The following RNF150 variants were observed in gnomAD, a reference collection of about 807,000 sequenced individuals.
The protein encoded by RNF150 is ring finger protein 150.
In RNF150, 24 loss-of-function variants were observed where a neutral mutation model predicts 39.3. The ratio of observed to expected loss-of-function variants is 0.61; its 90% CI spans 0.44 to 0.86. The LOEUF (loss-of-function observed/expected upper bound fraction) is 0.86, where lower values mean the gene tolerates loss of function less well. Ranked by LOEUF, RNF150 falls within the 40% of genes least tolerant of loss-of-function variation. The pLI is 0.00. For synonymous variants in RNF150, 255 were observed against 227.3 expected (o/e 1.12, Z -1.10); for missense variants, 502 against 587.8 (o/e 0.85, Z 1.51).
chr4:141,201,709 T>C (rs1728295382), intron 1 of RNF150, among the ~76,000 whole-genome samples: 1 of 152,120 alleles, frequency 6.6e-6, no homozygotes, highest in Non-Finnish European at 1.5e-5. Context: ...TCTTTTTCTT[T>C]CTTTCTCATC....
chr4:141,142,837 G>A (rs1727143018), intron 1 of RNF150, among the ~76,000 whole-genome samples: 1 of 151,400 alleles, frequency 6.6e-6, no homozygotes, highest in Admixed American at 6.6e-5. Flanking sequence ...TATTATGTAG[G>A]TGATCTACCC....
intron 1 of RNF150, among the ~76,000 whole-genome samples, chr4:141,170,820 C>G (rs1727703919): frequency 6.6e-6 from 1 of 152,112 alleles, no homozygotes; most frequent in South Asian, 2.1e-4. Flanking sequence ...TTCACTCTTG[C>G]AAGAATGTGA....
chr4:140,955,909 A>G (rs6852883), intron 2 of RNF150, among the ~76,000 whole-genome samples: 90,851 of 152,108 alleles, frequency 0.6, 27,910 homozygotes, highest in Non-Finnish European at 0.67. Flanking sequence ...CACATGGGCC[A>G]TGTACATGTA....
rs1165411567 is a variant in RNF150, at chr4:140,961,878, G to A, written c.735+5745C>T. ...ATACCTCACAGTATGCATGTGTCTA[G>A]ATAAACATGCAAGCTAGATCTACCT... On this transcript the variant is annotated intron_variant, in intron 2 of 6. Transcript: ENST00000515673. 2.0e-5 allele frequency among the ~76,000 whole-genome samples: 3 copies of A among 152,008 alleles called. No homozygotes were observed. In the East Asian group the frequency reaches 5.8e-4, roughly 29 times the overall value.
In RNF150 at chr4:141,079,267, AC is replaced by A. The variant is rs1207083664; in HGVS notation, c.484+53057del. Among the ~76,000 whole-genome samples, 8 of 152,040 alleles carry A rather than the reference AC, an allele frequency of 5.3e-5. No individual in the cohort carries two copies. The East Asian group carries it at 9.6e-4, about 18-fold the overall frequency. ...AACCCCAGTTACCTGCATTTGACAA[AC>A]CCTATCAGATTTTAAATGATCAAAT... is the stretch of plus-strand genomic sequence containing the variant. On this transcript the variant is annotated intron_variant, in intron 1 of 6. Coordinates refer to ENST00000515673, the MANE Select transcript of RNF150 (RefSeq NM_020724.2).
chr4:141,063,657 G>C (rs936179712), intron 1 of RNF150, among the ~76,000 whole-genome samples: 3 of 152,164 alleles, frequency 2.0e-5, no homozygotes, highest in African/African-American at 7.2e-5. Context: ...AGCTTTTCAA[G>C]AAGGACCAGA....
chr4:140,932,137 C>G (rs999401608), intron 4 of RNF150, among the ~76,000 whole-genome samples: 6 of 152,196 alleles, frequency 3.9e-5, no homozygotes, highest in African/African-American at 1.4e-4. Context: ...GTGACTCACT[C>G]AGGTACCTGA....
chr4:141,064,270 C>T (rs914797488), intron 1 of RNF150, among the ~76,000 whole-genome samples: 2 of 152,156 alleles, frequency 1.3e-5, no homozygotes, highest in Admixed American at 6.6e-5. Flanking sequence ...ATCTGAACGT[C>T]GTGGACTCCG....
chr4:140,999,993 A>AAAG (rs1169596089), intron 1 of RNF150, among the ~76,000 whole-genome samples: 5 of 63,354 alleles, frequency 7.9e-5, no homozygotes, highest in Admixed American at 1.9e-4. Flanking sequence ...GAAAAGAAGA[A>AAAG]AAGAAGAAGA....
intron 5 of RNF150, among the ~76,000 whole-genome samples, chr4:140,920,467 C>T (rs1006394288): frequency 7.8e-6 from 1 of 128,314 alleles, no homozygotes. Flanking sequence ...CAGAGAAATG[C>T]AAATCAAAAC....
intron 1 of RNF150, among the ~76,000 whole-genome samples, chr4:141,017,629 G>C (rs111916598): frequency 6.6e-6 from 1 of 152,118 alleles, no homozygotes; most frequent in East Asian, 1.9e-4. Flanking sequence ...AGCATCCTAA[G>C]ATCCTTTGCC....
intron 1 of RNF150, among the ~76,000 whole-genome samples, chr4:141,099,233 C>T (rs1052097241): frequency 1.3e-5 from 2 of 152,088 alleles, no homozygotes; most frequent in African/African-American, 4.8e-5. Context: ...AAGGAAATGC[C>T]TTTGGTGGGG....
intron 1 of RNF150, among the ~76,000 whole-genome samples, chr4:141,040,442 G>T (rs1736314044): frequency 6.6e-6 from 1 of 152,066 alleles, no homozygotes. Context: ...AATACTAATG[G>T]TAATGAATTC....
chr4:141,158,320 A>C (rs898171011), intron 1 of RNF150, among the ~76,000 whole-genome samples: 2 of 152,002 alleles, frequency 1.3e-5, no homozygotes, highest in East Asian at 3.9e-4. Flanking sequence ...AAACAAAACA[A>C]AGAACAACAG....
At chr4:140,899,944 T>TTCTCTCTTTCTCTCTCTCTC (rs1730115461) in intron 6 of RNF150, among the ~76,000 whole-genome samples, 1 of 110,022 alleles carries the variant, frequency 9.1e-6, no homozygotes, top group East Asian at 3.6e-4. Flanking sequence ...CTCTCTCACT[T>TTCTCTCTTTCTCTCTCTCTC]TCTCTCTCTC....
In RNF150 at chr4:141,159,532, G is replaced by A. The variant is rs143461030; in HGVS notation, c.-6+53262C>T. 2.0e-3 allele frequency among the ~76,000 whole-genome samples: 297 copies of A among 151,950 alleles called. 2 individuals carry two copies. Among genetic ancestry groups the A allele is most frequent in the African/African-American group, 6.7e-3 (278 of 41,472 alleles). On this transcript the variant is annotated intron_variant, in intron 1 of 7. Coordinates refer to the RNF150 transcript ENST00000420921. ...CTAATTGTTGTTGTTGTTGTTTTTT[G>A]TTTTTGTTGTTTTTTGTTTTTTGTT...
chr4:141,101,385 T>G (rs891356840), intron 1 of RNF150, among the ~76,000 whole-genome samples: 1 of 152,220 alleles, frequency 6.6e-6, no homozygotes, highest in South Asian at 2.1e-4. Context: ...AGGGTCAGGA[T>G]AGTCAATATC....
intron 1 of RNF150, among the ~76,000 whole-genome samples, chr4:140,979,584 C>A (rs1733786210): frequency 1.3e-5 from 2 of 151,614 alleles, no homozygotes; most frequent in African/African-American, 2.4e-5. Flanking sequence ...ATACTTAGAG[C>A]ATTCTAGATA....
intron 1 of RNF150, among the ~76,000 whole-genome samples, chr4:141,089,782 ATT>A (rs752331741): frequency 1.3e-5 from 2 of 152,146 alleles, no homozygotes; most frequent in Non-Finnish European, 2.9e-5. Flanking sequence ...TACCCAGAAT[ATT>A]TTTTGTCTTC....
Sources: allele counts gnomAD v4.1 joint callset (sites outside exome capture counted in the v4.1 genomes callset), GRCh38; gene constraint gnomAD v4.1.1; transcripts MANE v1.5; gene names NCBI Gene and HGNC (gene_info 2026-07-23, HGNC 2026-07-21).